MSS51: variants seen among roughly 807,000 people sequenced by gnomAD.
MSS51 encodes the protein putative protein MSS51 homolog, mitochondrial.
A neutral mutation model predicts 40.2 loss-of-function variants in MSS51; 32 were observed. The ratio of observed to expected loss-of-function variants is 0.80; its 90% CI spans 0.60 to 1.07. The LOEUF is 1.07. MSS51 is among the 50% of genes least tolerant of loss of function. MSS51 has a pLI of 0.00. For synonymous variants in MSS51, 178 were observed against 214.2 expected, an observed-to-expected ratio of 0.83 and a Z score of 1.48; for missense variants, 518 against 568.9, an observed-to-expected ratio of 0.91 and a Z score of 0.91.
At chr10:73,429,926 G>C (rs1360017155) in intron 1 of MSS51, among the ~76,000 whole-genome samples, 2 of 152,204 alleles carry the variant, frequency 1.3e-5, no homozygotes, top group African/African-American at 2.4e-5. Flanking sequence ...AATCTCTTCA[G>C]TGGGCGAGAA....
chr10:73,428,067 T>C lies in MSS51; in HGVS notation c.218A>G (p.Tyr73Cys), dbSNP rs2056002411. 1 of 1,613,900 alleles carries C rather than the reference T, an allele frequency of 6.2e-7. No individual in the cohort carries two copies. Among genetic ancestry groups the C allele is most frequent in the Non-Finnish European group, 8.5e-7 (1 of 1,179,864 alleles). ...TTCCATAGAGCTGGTCACTCACTTA[T>C]ATTCTTCATAGCTTTTCATGTTCAG... Reference protein sequence around the residue: ...QKLNMKSYEEYKLVVDGGTPV... With the variant: ...QKLNMKSYEECKLVVDGGTPV... Residue 73 changes from tyrosine to cysteine, a missense_variant, in exon 2 of 7, where the codon TAT becomes TGT. By Grantham distance (194) the Tyr-to-Cys change is radical (BLOSUM62 -2). Coordinates refer to ENST00000299432, the MANE Select transcript of MSS51 (RefSeq NM_001024593.2).
Position 73,428,135 on chromosome 10 carries a change from C to T in MSS51, c.150G>A (p.Leu50=). 1 of 1,614,032 alleles carries T rather than the reference C, an allele frequency of 6.2e-7. No homozygotes were observed. The highest frequency in any genetic ancestry group is 8.5e-7 in the Non-Finnish European group (1 of 1,180,022). ...GCGATAGGCCAGGAACATTATCATC[C>T]AAGGAGAAGAAGCCAAGTGTGTCAA... ...PSIDTLGFFS[L]DDNVPGLSQL... The change falls in exon 2 of 7, where the codon TTG becomes TTA. Residue 50 remains leucine (L), a synonymous_variant. Coordinates refer to ENST00000299432, the MANE Select transcript of MSS51 (RefSeq NM_001024593.2).
At chr10:73,432,975 G>A (rs1198873142) in intron 1 of MSS51, among the ~76,000 whole-genome samples, 1 of 152,102 alleles carries the variant, frequency 6.6e-6, no homozygotes, top group Admixed American at 6.6e-5. Flanking sequence ...CCAGAGTCTA[G>A]AATGCTCTCC....
At chr10:73,432,571 A>G (rs1243115674) in intron 1 of MSS51, among the ~76,000 whole-genome samples, 2 of 152,224 alleles carry the variant, frequency 1.3e-5, no homozygotes, top group Non-Finnish European at 2.9e-5. Context: ...CTAAAGGAAG[A>G]TTAGCTCTTG....
intron 2 of MSS51, 67 bp from the exon 3 acceptor site, chr10:73,427,835 C>T (rs1051680354): frequency 2.6e-6 from 4 of 1,551,850 alleles, no homozygotes; most frequent in Non-Finnish European, 3.5e-6. Flanking sequence ...TCTCATGCCC[C>T]CCATCTTGTC....
chr10:73,430,795 T>C (rs886647992), intron 1 of MSS51, among the ~76,000 whole-genome samples: 2 of 152,110 alleles, frequency 1.3e-5, no homozygotes, highest in Admixed American at 6.6e-5. Flanking sequence ...TAAAAACAGA[T>C]ACTCAAACAA....
Position 73,428,153 on chromosome 10 carries a change from T to C in MSS51, c.132A>G (p.Thr44=), listed in dbSNP as rs933684545. Reference sequence around the variant, plus strand: ...TATCATCCAAGGAGAAGAAGCCAAGTGTGTCAATGCTAGGGCCAGGTTTTG... The same window carrying C: ...TATCATCCAAGGAGAAGAAGCCAAGCGTGTCAATGCTAGGGCCAGGTTTTG... ...TPSKPGPSID[T]LGFFSLDDNV... Residue 44 remains threonine (T), a synonymous_variant, in exon 2 of 7, where the codon ACA becomes ACG. Coordinates refer to ENST00000299432, the MANE Select transcript of MSS51 (RefSeq NM_001024593.2). 1 of 1,613,924 alleles carries C rather than the reference T, an allele frequency of 6.2e-7. No individual in the cohort carries two copies. Among genetic ancestry groups the C allele is most frequent in the African/African-American group, 1.3e-5 (1 of 74,856 alleles).
At chr10:73,425,515 A>G (rs1348941654) in intron 5 of MSS51, among the ~76,000 whole-genome samples, 1 of 152,080 alleles carries the variant, frequency 6.6e-6, no homozygotes, top group Non-Finnish European at 1.5e-5. Flanking sequence ...TCTACTAAAA[A>G]TACAAAAAAT....
At chr10:73,425,068 G>GA in intron 6 of MSS51, 30 bp downstream of exon 6, 1 of 1,513,158 alleles carries the variant, frequency 6.6e-7, no homozygotes, top group Non-Finnish European at 9.2e-7. Flanking sequence ...TAAAGTCAGG[G>GA]AAGTATCACA....
Position 73,428,195 on chromosome 10 carries a change from A to G in MSS51, c.90T>C (p.Pro30=), listed in dbSNP as rs1339440267. 1.2e-6 allele frequency: 2 copies of G among 1,614,126 alleles called. No homozygotes were observed. The highest frequency in any genetic ancestry group is 2.2e-5 in the East Asian group (1 of 44,850). The part of the protein sequence containing the change: ...IIMAPTTIVT[P]VPLTPSKPGP... ...CAGGTTTTGAGGGGGTCAGAGGCAC[A>G]GGGGTCACAATTGTGGTTGGGGCCA... The change falls in exon 2 of 7, where the codon CCT becomes CCC. Residue 30 remains proline, a synonymous_variant. Transcript: ENST00000299432.
At chr10:73,427,914 C>A (rs2056001430) in intron 2 of MSS51, 146 bp from the exon 3 acceptor site, 1 of 1,212,126 alleles carries the variant, frequency 8.2e-7, no homozygotes, top group Non-Finnish European at 1.1e-6. Flanking sequence ...AATGTTTCTT[C>A]TTTTATAGTA....
intron 1 of MSS51, among the ~76,000 whole-genome samples, chr10:73,429,267 T>C (rs991453864): frequency 6.6e-6 from 1 of 152,134 alleles, no homozygotes; most frequent in African/African-American, 2.4e-5. Context: ...GGCAGTTAAA[T>C]AGGAACTGGG....
chr10:73,432,009 A>G (rs935208694), intron 1 of MSS51, among the ~76,000 whole-genome samples: 1 of 151,844 alleles, frequency 6.6e-6, no homozygotes, highest in African/African-American at 2.4e-5. Flanking sequence ...TATCTACTCT[A>G]CCCACCTGCC....
At position 73,426,354 on chromosome 10, in the gene MSS51, G is replaced by C. The variant is rs2055988280; in HGVS notation, c.526C>G (p.Pro176Ala). The change falls in exon 5 of 7, where the codon CCT becomes GCT. Residue 176 changes from proline to alanine, a missense_variant. Pro to Ala is a conservative substitution (Grantham distance 27). Transcript: ENST00000299432. ...VTGDFVLPSG[P>A]WPWPPEAVQD... The stretch of plus-strand genomic sequence containing the variant: ...ACAGCTTCAGGTGGCCATGGCCAAG[G>C]TCCTGAGGGTAGAACAAAATCACCT... 1.9e-6 allele frequency: 3 copies of C among 1,602,356 alleles called. No individual in the cohort carries two copies. The highest frequency in any genetic ancestry group is 2.5e-6 in the Non-Finnish European group (3 of 1,179,880).
At chr10:73,428,380 C>G in intron 1 of MSS51, 79 bp from the exon 2 acceptor site, 1 of 1,100,004 alleles carries the variant, frequency 9.1e-7, no homozygotes, top group Non-Finnish European at 1.3e-6. Flanking sequence ...TATGCTTGAC[C>G]TTTCATTTCT....
In MSS51 at chr10:73,424,547, A is replaced by G. The variant is rs779712116; in HGVS notation, c.*6T>C. 6.2e-7 allele frequency: 1 copy of G among 1,606,482 alleles called. No individual in the cohort carries two copies. The highest frequency in any genetic ancestry group is 8.5e-7 in the Non-Finnish European group (1 of 1,173,118). On this transcript the variant is annotated 3_prime_UTR_variant, in exon 7 of 7. Coordinates refer to ENST00000299432, the MANE Select transcript of MSS51 (RefSeq NM_001024593.2). ...CCCGTTTTCCAGATGTCCAGTTATG[A>G]TCTATTTAAATCCCGCCGTCCACTT... is the stretch of plus-strand genomic sequence containing the variant.
chr10:73,427,637 G>A lies in MSS51; in HGVS notation c.353C>T (p.Ser118Phe), dbSNP rs150492078. 5,773 of 1,613,026 alleles carry A rather than the reference G, an allele frequency of 3.6e-3. 27 individuals are homozygous for A. Among genetic ancestry groups the A allele is most frequent in the South Asian group, 5.4e-3 (489 of 91,010 alleles). The stretch of plus-strand genomic sequence containing the variant: ...CCTCTTACAGTGCCGGAGAACCTTG[G>A]AGTCTGAAAGCCCACTAGGGAGTGC... The part of the protein sequence containing the change: ...CRALPSGLSD[S>F]KVLRHCKRCR... The change falls in exon 3 of 7, where the codon TCC becomes TTC. Residue 118 changes from serine to phenylalanine, a missense_variant. Ser to Phe is a radical substitution (Grantham distance 155). Transcript: ENST00000299432.
At chr10:73,430,921 T>C (rs1487611121) in intron 1 of MSS51, among the ~76,000 whole-genome samples, 1 of 152,190 alleles carries the variant, frequency 6.6e-6, no homozygotes, top group East Asian at 1.9e-4. Flanking sequence ...AATATACATA[T>C]GAAGATGTAT....
intron 1 of MSS51, among the ~76,000 whole-genome samples, chr10:73,433,184 A>G (rs1489052165): frequency 6.6e-6 from 1 of 152,130 alleles, no homozygotes; most frequent in Non-Finnish European, 1.5e-5. Context: ...TAGGTTTCCC[A>G]TCTTCTTCTT....
Sources: gnomAD v4.1 joint callset for allele counts (sites outside exome capture counted in the v4.1 genomes callset) on GRCh38, gnomAD v4.1.1 for gene constraint, MANE v1.5 for transcripts, NCBI Gene and HGNC (gene_info 2026-07-23, HGNC 2026-07-21) for gene names.